Variants in SLC44A5 observed in about 807,000 individuals in gnomAD.
SLC44A5 encodes solute carrier family 44 member 5.
In SLC44A5, 57 loss-of-function variants were observed where a neutral mutation model predicts 101.8. The ratio of observed to expected loss-of-function variants is 0.56; its 90% CI spans 0.45 to 0.70. SLC44A5 has a LOEUF of 0.70. Among genes scored for constraint, SLC44A5 ranks in the 30% least tolerant of loss-of-function variants. The pLI, the probability that SLC44A5 is intolerant of heterozygous loss-of-function variation, is 0.00. For synonymous variants in SLC44A5, 281 were observed against 290.9 expected, an observed-to-expected ratio of 0.97 and a Z score of 0.35; for missense variants, 737 against 853.1, an observed-to-expected ratio of 0.86 and a Z score of 1.70.
intron 2 of SLC44A5, among the ~76,000 whole-genome samples, chr1:75,471,059 T>C (rs1667081317): frequency 6.6e-6 from 1 of 151,988 alleles, no homozygotes; most frequent in Non-Finnish European, 1.5e-5. Flanking sequence ...GAGGGAAAAA[T>C]AGAGGGCTCA....
intron 14 of SLC44A5, among the ~76,000 whole-genome samples, chr1:75,221,490 C>G (rs1647079484): frequency 6.6e-6 from 1 of 152,096 alleles, no homozygotes; most frequent in Non-Finnish European, 1.5e-5. Flanking sequence ...AAAAATGACT[C>G]TTGGTATAAA....
the SLC44A5 span, among the ~76,000 whole-genome samples, chr1:75,672,681 C>G: frequency 6.6e-6 from 1 of 152,232 alleles, no homozygotes; most frequent in Non-Finnish European, 1.5e-5. Flanking sequence ...AATTGCAGCT[C>G]TGGGAGAGAT....
At chr1:75,219,952 AATTG>A (rs1489932595) in intron 14 of SLC44A5, 60 bp from the exon 15 acceptor site, 1 of 1,131,906 alleles carries the variant, frequency 8.8e-7, no homozygotes, top group African/African-American at 1.6e-5. Context: ...CTTTAGACTG[AATTG>A]ATTCTAAGAA....
intron 2 of SLC44A5, among the ~76,000 whole-genome samples, chr1:75,530,991 C>T (rs1670688936): frequency 6.6e-6 from 1 of 151,938 alleles, no homozygotes; most frequent in Admixed American, 6.6e-5. Flanking sequence ...GCTTTCCTGC[C>T]CAGAGATTAG....
the SLC44A5 span, among the ~76,000 whole-genome samples, chr1:75,617,656 A>G: frequency 6.6e-6 from 1 of 152,230 alleles, no homozygotes; most frequent in Non-Finnish European, 1.5e-5. Flanking sequence ...CAGAAATAAA[A>G]AACAAAGAAC....
chr1:75,428,956 A>C (rs1217109525), intron 2 of SLC44A5, among the ~76,000 whole-genome samples: 3 of 152,204 alleles, frequency 2.0e-5, no homozygotes, highest in Non-Finnish European at 4.4e-5. Flanking sequence ...AAGAGCATAC[A>C]CCATATAGGT....
At chr1:75,596,367 T>G (rs927087674) in intron 1 of SLC44A5, among the ~76,000 whole-genome samples, 6 of 152,114 alleles carry the variant, frequency 3.9e-5, no homozygotes, top group Non-Finnish European at 7.4e-5. Flanking sequence ...TTCTACCAGA[T>G]GTACAAAGAA....
rs185891361 is a variant in SLC44A5, at chr1:75,364,823, T to C, written c.53-25193A>G. On this transcript the variant is annotated intron_variant, in intron 3 of 23. Coordinates refer to ENST00000370859, the MANE Select transcript of SLC44A5 (RefSeq NM_001130058.2). ...TGACTGGATAATTTCCAATATCCTG[T>C]CATGGAGCTCACTGATTCTTTATTA... Among the ~76,000 whole-genome samples, 293 of 152,316 alleles carry C rather than the reference T, an allele frequency of 1.9e-3. 1 individual carries two copies. The highest frequency in any genetic ancestry group is 3.6e-3 in the Non-Finnish European group (246 of 68,014).
At chr1:75,469,871 G>C (rs1201152373) in intron 2 of SLC44A5, among the ~76,000 whole-genome samples, 1 of 138,360 alleles carries the variant, frequency 7.2e-6, no homozygotes, top group Non-Finnish European at 1.5e-5. Flanking sequence ...CTGCACTCCA[G>C]CCTGGGCGAC....
intron 4 of SLC44A5, among the ~76,000 whole-genome samples, chr1:75,317,653 C>G (rs936281997): frequency 6.6e-6 from 1 of 152,100 alleles, no homozygotes; most frequent in Non-Finnish European, 1.5e-5. Flanking sequence ...AAATAACAGC[C>G]ATTTGTTTCT....
chr1:75,599,740 A>G (rs566621529), intron 1 of SLC44A5, among the ~76,000 whole-genome samples: 2 of 152,310 alleles, frequency 1.3e-5, no homozygotes, highest in South Asian at 2.1e-4. Flanking sequence ...AAACAATAAC[A>G]TCATGAAGGC....
chr1:75,299,617 CTA>C (rs964167168), intron 5 of SLC44A5, among the ~76,000 whole-genome samples: 1 of 152,074 alleles, frequency 6.6e-6, no homozygotes, highest in Admixed American at 6.6e-5. Flanking sequence ...GGGACAGAAC[CTA>C]TGTCTCTGGG....
chr1:75,645,471 GTTGT>G, the SLC44A5 span, among the ~76,000 whole-genome samples: 1 of 151,876 alleles, frequency 6.6e-6, no homozygotes, highest in African/African-American at 2.4e-5. Context: ...TGTTGATGGG[GTTGT>G]TTGTTTTTTT....
At chr1:75,303,842 T>C (rs1448048082) in intron 4 of SLC44A5, among the ~76,000 whole-genome samples, 1 of 152,062 alleles carries the variant, frequency 6.6e-6, no homozygotes, top group Non-Finnish European at 1.5e-5. Flanking sequence ...CATTAGAAGA[T>C]ATACCTAATG....
At position 75,478,378 on chromosome 1, in the gene SLC44A5, A is replaced by T. The variant is rs1319592061; in HGVS notation, c.13+63057T>A. On this transcript the variant is annotated intron_variant, in intron 2 of 23. Coordinates refer to ENST00000370859, the MANE Select transcript of SLC44A5 (RefSeq NM_001130058.2). ...AAAATAACCAGCTAACATCATAATG[A>T]CAGGATCAAATTCACAATAACAATA... is the stretch of plus-strand genomic sequence containing the variant. 2.0e-5 allele frequency among the ~76,000 whole-genome samples: 3 copies of T among 152,234 alleles called. No homozygotes were observed. The South Asian group carries it at 6.2e-4, about 32-fold the overall frequency.
At chr1:75,315,997 G>C (rs1655658785) in intron 4 of SLC44A5, among the ~76,000 whole-genome samples, 1 of 152,010 alleles carries the variant, frequency 6.6e-6, no homozygotes, top group Admixed American at 6.6e-5. Context: ...CTTATATCTG[G>C]AGTGATAGCA....
chr1:75,395,249 C>CA (rs1374887293), intron 3 of SLC44A5, among the ~76,000 whole-genome samples: 2 of 152,012 alleles, frequency 1.3e-5, no homozygotes, highest in African/African-American at 2.4e-5. Flanking sequence ...TCATACTGAG[C>CA]AAAAAACATT....
chr1:75,705,835 C>T, the SLC44A5 span, among the ~76,000 whole-genome samples: 6,007 of 152,138 alleles, frequency 0.039, 142 homozygotes, highest in Middle Eastern at 0.051. Flanking sequence ...TGCACCACCA[C>T]GCCGGACTAA....
At chr1:75,669,975 T>C in the SLC44A5 span, among the ~76,000 whole-genome samples, 1 of 152,188 alleles carries the variant, frequency 6.6e-6, no homozygotes, top group African/African-American at 2.4e-5. Flanking sequence ...TATTTAAAAA[T>C]GTATAACATG....
Sources: allele counts gnomAD v4.1 joint callset (sites outside exome capture counted in the v4.1 genomes callset), GRCh38; gene constraint gnomAD v4.1.1; transcripts MANE v1.5; gene names NCBI Gene and HGNC (gene_info 2026-07-23, HGNC 2026-07-21).